Variants in PRKCZ observed in about 807,000 individuals in gnomAD.
PRKCZ encodes protein kinase C zeta type.
Under a neutral mutation model 79.5 loss-of-function variants are expected in PRKCZ, and 33 were observed. The ratio of observed to expected loss-of-function variants is 0.41; its 90% CI spans 0.31 to 0.55. The LOEUF is 0.55. PRKCZ is among the 20% of genes least tolerant of loss of function. PRKCZ has a pLI of 0.19. For synonymous variants in PRKCZ, 342 were observed against 320.9 expected (o/e 1.07, Z -0.70); for missense variants, 578 against 813.5 (o/e 0.71, Z 3.52).
At chr1:2,099,967 G>A (rs1416161979) in intron 4 of PRKCZ, among the ~76,000 whole-genome samples, 1 of 152,214 alleles carries the variant, frequency 6.6e-6, no homozygotes, top group African/African-American at 2.4e-5. Flanking sequence ...AGCTGCGTCT[G>A]TTAGGGGTGA....
chr1:2,107,539 C>CT (rs992954151), intron 4 of PRKCZ, among the ~76,000 whole-genome samples: 1 of 152,174 alleles, frequency 6.6e-6, no homozygotes, highest in African/African-American at 2.4e-5. Flanking sequence ...TGTGCTGGGG[C>CT]TTTTTTGGGA....
intron 4 of PRKCZ, among the ~76,000 whole-genome samples, chr1:2,079,570 A>G (rs1189597739): frequency 6.6e-6 from 1 of 152,148 alleles, no homozygotes; most frequent in Non-Finnish European, 1.5e-5. Context: ...CTCATAAGTG[A>G]GCGTGATGGT....
At chr1:2,110,461 T>C (rs1669501356) in intron 4 of PRKCZ, among the ~76,000 whole-genome samples, 3 of 144,670 alleles carry the variant, frequency 2.1e-5, no homozygotes, top group Admixed American at 7.2e-5. Context: ...CGCAGCTTCA[T>C]GGGGGAAACA....
intron 10 of PRKCZ, among the ~76,000 whole-genome samples, chr1:2,161,667 G>T (rs370029432): frequency 6.6e-6 from 1 of 152,188 alleles, no homozygotes. Context: ...ATTGCCATTC[G>T]GGGTCACGTT....
chr1:2,169,389 C>G (rs1233433131), intron 10 of PRKCZ, 129 bp from the exon 11 acceptor site: 1 of 803,632 alleles, frequency 1.2e-6, no homozygotes, highest in Non-Finnish European at 2.1e-6. Context: ...TCCTGCTGCT[C>G]TTTGCTCTTT....
At chr1:2,115,258 C>A (rs925407128) in intron 4 of PRKCZ, among the ~76,000 whole-genome samples, 1 of 152,266 alleles carries the variant, frequency 6.6e-6, no homozygotes, top group Non-Finnish European at 1.5e-5. Context: ...TGGCTGAATT[C>A]TCCACGTCTT....
rs183541853 is a variant in PRKCZ, at chr1:2,063,338, C to T, written c.334+3747C>T. On this transcript the variant is annotated intron_variant, in intron 4 of 17. Transcript: ENST00000378567. Reference sequence around the variant, plus strand: ...TTTTATTCATTTATTTTTGAGATAGCGTCTCGCTCTGTCGCTTAGGCTGGA... The same window carrying T: ...TTTTATTCATTTATTTTTGAGATAGTGTCTCGCTCTGTCGCTTAGGCTGGA... Among the ~76,000 whole-genome samples the T allele has an allele frequency of 5.9e-5, 9 of 152,294 alleles. No individual in the cohort carries two copies. The East Asian group carries it at 1.5e-3, about 26-fold the overall frequency.
At chr1:2,181,081 T>G (rs1686515714) in intron 16 of PRKCZ, among the ~76,000 whole-genome samples, 1 of 148,932 alleles carries the variant, frequency 6.7e-6, no homozygotes, top group Non-Finnish European at 1.5e-5. Flanking sequence ...CCCTGCTGCT[T>G]CTCCCCACCC....
chr1:2,168,421 C>T lies in PRKCZ; in HGVS notation c.975-1097C>T, dbSNP rs557475525. ...CTTCCCCAGCCGCTCCCCAAAGGCA[C>T]GGCTTATTCTTCAGGGTGCCCGACT... On this transcript the variant is annotated intron_variant, in intron 10 of 17. Transcript: ENST00000378567. This position sits in a 1 kb window ranked among gnomAD's most constrained non-coding sequence, Gnocchi z 4.7. 2.9e-4 allele frequency among the ~76,000 whole-genome samples: 44 copies of T among 152,318 alleles called. No individual in the cohort carries two copies. In the East Asian group the frequency reaches 5.2e-3, roughly 18 times the overall value.
chr1:2,160,752 C>T (rs1027905452), intron 10 of PRKCZ, among the ~76,000 whole-genome samples: 6 of 152,042 alleles, frequency 3.9e-5, no homozygotes, highest in Non-Finnish European at 7.4e-5. Context: ...CACCCCGGTT[C>T]GCAGAAGTCA....
chr1:2,179,917 G>A (rs1384052032), intron 16 of PRKCZ, among the ~76,000 whole-genome samples: 7 of 152,182 alleles, frequency 4.6e-5, no homozygotes, highest in Non-Finnish European at 1.0e-4. Flanking sequence ...ACGGAAAGAC[G>A]CAGAGGAGGG....
intron 10 of PRKCZ, 154 bp downstream of exon 10, chr1:2,156,246 C>T: frequency 1.6e-6 from 1 of 638,532 alleles, no homozygotes; most frequent in Non-Finnish European, 2.8e-6. Context: ...TTGTTGTTCT[C>T]CTTGGTTGGT....
Position 2,115,666 on chromosome 1 carries a change from A to T in PRKCZ, c.335-19596A>T, listed in dbSNP as rs554900159. Among the ~76,000 whole-genome samples the T allele has an allele frequency of 2.9e-3, 440 of 152,150 alleles. 1 individual carries two copies. The highest frequency in any genetic ancestry group is 1.0e-2 in the African/African-American group (413 of 41,506). ...TGGCTGTGAATCGGGGGTGTCCGTG[A>T]CCCCTTCCTGAGGCTCGGGTGGGCT... On this transcript the variant is annotated intron_variant, in intron 4 of 17. Transcript: ENST00000378567.
rs370078851 is a variant in PRKCZ at position 2,184,515 on chromosome 1, G to A, written c.1576-68G>A. On this transcript the variant is annotated intron_variant, in intron 16 of 17. Transcript: ENST00000378567. ...GTTTCATTTTGTGATTGAAGTGCGT[G>A]CAAAACACTCAATCTGGTAGGGATG... 52 of 1,197,186 alleles carry A rather than the reference G, an allele frequency of 4.3e-5. No homozygotes were observed. The African/African-American group carries it at 6.2e-4, about 14-fold the overall frequency. 74.2% of individuals were successfully genotyped at this position (1,197,186 alleles called of 1,614,324 possible). A position where few individuals can be genotyped will look rare whatever the true frequency, so the allele number is the denominator to read the frequency against.
chr1:2,161,325 G>A (rs1304643980), intron 10 of PRKCZ, among the ~76,000 whole-genome samples: 8 of 152,394 alleles, frequency 5.2e-5, no homozygotes, highest in South Asian at 4.1e-4. Flanking sequence ...GGCTGTGCAC[G>A]GGAGAAGGGG....
intron 4 of PRKCZ, among the ~76,000 whole-genome samples, chr1:2,126,802 G>A (rs922503196): frequency 2.0e-5 from 3 of 152,196 alleles, no homozygotes; most frequent in Non-Finnish European, 4.4e-5. Context: ...GGACACCTGA[G>A]CAGTCCCCAT....
intron 4 of PRKCZ, among the ~76,000 whole-genome samples, chr1:2,112,161 C>T (rs1445084212): frequency 1.3e-5 from 2 of 152,212 alleles, no homozygotes; most frequent in African/African-American, 4.8e-5. Flanking sequence ...GCCTGGGTTA[C>T]AGGGTGCGGG....
At chr1:2,097,253 C>T (rs1328398652) in intron 4 of PRKCZ, among the ~76,000 whole-genome samples, 1 of 152,236 alleles carries the variant, frequency 6.6e-6, no homozygotes, top group East Asian at 1.9e-4. Context: ...TCGTCCGGTG[C>T]AGGCCACATG....
chr1:2,136,134 G>A (rs1003403878), intron 5 of PRKCZ, among the ~76,000 whole-genome samples: 2 of 152,154 alleles, frequency 1.3e-5, no homozygotes, highest in East Asian at 1.9e-4. Context: ...GTCAACCTCC[G>A]CTGGGTGTAC....
Sources: allele counts gnomAD v4.1 joint callset (sites outside exome capture counted in the v4.1 genomes callset), GRCh38; gene constraint gnomAD v4.1.1; non-coding constraint Gnocchi (gnomAD v3.1); transcripts MANE v1.5; gene names NCBI Gene and HGNC (gene_info 2026-07-23, HGNC 2026-07-21).